Variants in RABGAP1L observed in about 807,000 individuals in gnomAD.
The protein encoded by RABGAP1L is RAB GTPase activating protein 1 like, also known as rab GTPase-activating protein 1-like.
RABGAP1L carries 63 observed loss-of-function variants against 137.7 expected under a neutral mutation model. The observed-to-expected ratio is 0.46, with a 90% CI of 0.37 to 0.56. The LOEUF is 0.56. RABGAP1L is among the 20% of genes least tolerant of loss of function. RABGAP1L has a pLI of 0.00. For synonymous variants in RABGAP1L, 431 were observed against 433.7 expected, an observed-to-expected ratio of 0.99 and a Z score of 0.08; for missense variants, 1,095 against 1,244.0, an observed-to-expected ratio of 0.88 and a Z score of 1.80.
chr1:174,401,195 G>T (rs1648537769), intron 13 of RABGAP1L, among the ~76,000 whole-genome samples: 1 of 152,088 alleles, frequency 6.6e-6, no homozygotes, highest in South Asian at 2.1e-4. Context: ...TTTAGGAGGA[G>T]ATTTTAGTGC....
At chr1:174,543,066 T>C (rs1279703195) in intron 13 of RABGAP1L, among the ~76,000 whole-genome samples, 1 of 152,222 alleles carries the variant, frequency 6.6e-6, no homozygotes, top group African/African-American at 2.4e-5. Context: ...AGAATGTATA[T>C]TCTGTTGATT....
At chr1:174,590,123 CTTTTTTTTTTTTTTT>C (rs1166364912) in intron 13 of RABGAP1L, among the ~76,000 whole-genome samples, 2 of 59,780 alleles carry the variant, frequency 3.3e-5, no homozygotes, top group Non-Finnish European at 6.3e-5. Flanking sequence ...TCTTCAGTTT[CTTTTTTTTTTTTTTT>C]TTTTTTTTTT....
intron 1 of RABGAP1L, 30 bp from the exon 2 acceptor site, chr1:174,219,095 T>G (rs1458301050): frequency 7.1e-7 from 1 of 1,418,372 alleles, no homozygotes; most frequent in African/African-American, 2.0e-5. Flanking sequence ...ATCAGTAGGT[T>G]TTTTTTTTTA....
At chr1:174,277,521 T>A (rs550983796) in intron 9 of RABGAP1L, among the ~76,000 whole-genome samples, 1 of 151,554 alleles carries the variant, frequency 6.6e-6, no homozygotes, top group East Asian at 1.9e-4. Flanking sequence ...TCTATTAAAC[T>A]ATATAATAGT....
chr1:174,983,412 C>G (rs1446963103), intron 24 of RABGAP1L, among the ~76,000 whole-genome samples: 1 of 151,984 alleles, frequency 6.6e-6, no homozygotes, highest in Non-Finnish European at 1.5e-5. Flanking sequence ...CTTGCTGCCC[C>G]CTGGTGGTAA....
chr1:174,344,834 T>C (rs1682295444), intron 11 of RABGAP1L, among the ~76,000 whole-genome samples: 1 of 152,228 alleles, frequency 6.6e-6, no homozygotes, highest in Non-Finnish European at 1.5e-5. Flanking sequence ...TGCCTGTGCT[T>C]CTGGGGGTAT....
chr1:174,334,217 A>C (rs1380325011), intron 11 of RABGAP1L, among the ~76,000 whole-genome samples: 1 of 152,214 alleles, frequency 6.6e-6, no homozygotes, highest in Non-Finnish European at 1.5e-5. Flanking sequence ...CAAAATCTAC[A>C]GTCTTTTCTT....
chr1:174,349,053 G>GT (rs1295961152), intron 11 of RABGAP1L, among the ~76,000 whole-genome samples: 1 of 138,042 alleles, frequency 7.2e-6, no homozygotes, highest in African/African-American at 2.6e-5. Context: ...GCGGGGGGGG[G>GT]GCTGACCCCC....
intron 3 of RABGAP1L, among the ~76,000 whole-genome samples, chr1:174,230,051 T>C (rs1361578465): frequency 1.3e-5 from 2 of 152,088 alleles, no homozygotes; most frequent in African/African-American, 2.4e-5. Context: ...ATATACACCA[T>C]GGAATACTAT....
intron 18 of RABGAP1L, among the ~76,000 whole-genome samples, chr1:174,784,218 A>G (rs372686813): frequency 3.3e-5 from 5 of 151,090 alleles, no homozygotes; most frequent in African/African-American, 1.2e-4. Context: ...ACGGAGTTTC[A>G]CCGTGTTAGC....
Position 174,616,939 on chromosome 1 carries a change from T to C in RABGAP1L, c.1711-20436T>C, listed in dbSNP as rs149208445. On this transcript the variant is annotated intron_variant, in intron 13 of 25. Coordinates refer to ENST00000681986, the MANE Select transcript of RABGAP1L (RefSeq NM_001366446.1). ...GGTATGACACCTACTTTAATAAAGA[T>C]CCAGGAGAGATAAAATAAATGGTAG... 3.6e-3 allele frequency among the ~76,000 whole-genome samples: 547 copies of C among 152,262 alleles called. 5 individuals are homozygous for C. Among genetic ancestry groups the C allele is most frequent in the African/African-American group, 0.011 (469 of 41,554 alleles).
chr1:174,899,127 G>C (rs1657712902), intron 19 of RABGAP1L, among the ~76,000 whole-genome samples: 1 of 152,070 alleles, frequency 6.6e-6, no homozygotes, highest in South Asian at 2.1e-4. Context: ...GCGTGTTCTA[G>C]GAAGAGGAGA....
At chr1:174,252,352 G>A in intron 6 of RABGAP1L, 128 bp from the exon 7 acceptor site, 1 of 1,135,292 alleles carries the variant, frequency 8.8e-7, no homozygotes. Flanking sequence ...CAAGGTGAGA[G>A]TTTAGTATAT....
chr1:174,351,992 T>C (rs201400473), intron 11 of RABGAP1L, among the ~76,000 whole-genome samples: 1 of 152,090 alleles, frequency 6.6e-6, no homozygotes, highest in Non-Finnish European at 1.5e-5. Context: ...GTATTTTTAG[T>C]AGAGACAGGG....
At chr1:174,953,837 G>T (rs1668098362) in intron 19 of RABGAP1L, among the ~76,000 whole-genome samples, 1 of 152,190 alleles carries the variant, frequency 6.6e-6, no homozygotes, top group Non-Finnish European at 1.5e-5. Flanking sequence ...GTTCTGCAGA[G>T]CCCCAGGGGA....
Position 174,379,011 on chromosome 1 carries a change from C to T in RABGAP1L, c.1559+7939C>T, listed in dbSNP as rs1188662988. Among the ~76,000 whole-genome samples the T allele has an allele frequency of 4.6e-5, 6 of 131,702 alleles. No homozygotes were observed. The East Asian group carries it at 7.8e-4, about 17-fold the overall frequency. The allele number at this position is 131,702 out of a possible 152,430, so 86.4% of individuals were successfully genotyped here. A position where few individuals can be genotyped will look rare whatever the true frequency, so the allele number is the denominator to read the frequency against. The stretch of plus-strand genomic sequence containing the variant: ...GTTTCAGCTTTCTACATATGGCTAG[C>T]GAGTTTTCCCAGCACCATTTATTAA... On this transcript the variant is annotated intron_variant, in intron 12 of 25. Coordinates refer to ENST00000681986, the MANE Select transcript of RABGAP1L (RefSeq NM_001366446.1).
chr1:174,231,477 C>T, intron 4 of RABGAP1L, 122 bp downstream of exon 4: 2 of 875,150 alleles, frequency 2.3e-6, no homozygotes, highest in Non-Finnish European at 3.7e-6. Flanking sequence ...GCAGAGTAAA[C>T]ATGTTTAGGC....
chr1:174,895,832 C>T (rs1657064210), intron 19 of RABGAP1L, among the ~76,000 whole-genome samples: 3 of 152,108 alleles, frequency 2.0e-5, no homozygotes, highest in African/African-American at 7.2e-5. Context: ...TTTCTTAATC[C>T]AGTCTTTCAT....
intron 11 of RABGAP1L, among the ~76,000 whole-genome samples, chr1:174,337,559 A>G (rs1681596281): frequency 6.6e-6 from 1 of 152,198 alleles, no homozygotes; most frequent in Middle Eastern, 3.2e-3. Flanking sequence ...TAGCATGAGC[A>G]AAGATTTTCG....
Sources: gnomAD v4.1 joint callset for allele counts (sites outside exome capture counted in the v4.1 genomes callset) on GRCh38, gnomAD v4.1.1 for gene constraint, MANE v1.5 for transcripts, NCBI Gene and HGNC (gene_info 2026-07-23, HGNC 2026-07-21) for gene names.